The following PARVA variants were observed in gnomAD, a reference collection of about 807,000 sequenced individuals.
PARVA encodes the protein alpha-parvin.
Under a neutral mutation model 52.6 loss-of-function variants are expected in PARVA, and 25 were observed. The ratio of observed to expected loss-of-function variants is 0.48; its 90% CI spans 0.35 to 0.66. PARVA has a LOEUF of 0.66. PARVA is among the 30% of genes least tolerant of loss of function. The pLI, the probability that PARVA is intolerant of heterozygous loss-of-function variation, is 0.01. For missense variants in PARVA, 373 were observed against 450.9 expected, an observed-to-expected ratio of 0.83 and a Z score of 1.56; for synonymous variants, 185 against 179.1, an observed-to-expected ratio of 1.03 and a Z score of -0.26.
intron 1 of PARVA, among the ~76,000 whole-genome samples, chr11:12,389,399 T>C (rs966998601): frequency 6.6e-6 from 1 of 152,168 alleles, no homozygotes; most frequent in African/African-American, 2.4e-5. Context: ...TCGCCACTCC[T>C]GTGTGAGACC....
At chr11:12,410,748 C>T (rs989286248) in intron 1 of PARVA, among the ~76,000 whole-genome samples, 2 of 152,162 alleles carry the variant, frequency 1.3e-5, no homozygotes, top group African/African-American at 4.8e-5. Context: ...CCTTCTTCTC[C>T]CCACCCCATC....
chr11:12,434,532 G>A (rs886281031), intron 1 of PARVA, among the ~76,000 whole-genome samples: 1 of 152,094 alleles, frequency 6.6e-6, no homozygotes, highest in Non-Finnish European at 1.5e-5. Context: ...CCAACCATGT[G>A]ACTTTGCTCC....
chr11:12,529,897 C>G lies in PARVA; in HGVS notation c.*1972C>G, dbSNP rs756221596. On this transcript the variant is annotated 3_prime_UTR_variant, in exon 13 of 13. Coordinates refer to ENST00000334956, the MANE Select transcript of PARVA (RefSeq NM_018222.5). ...AAATTTTATTTTTTATTAGGAAACA[C>G]TAAATAGTGTAATATTTCTTTTGCT... 1 of 152,096 alleles carries G rather than the reference C, an allele frequency of 6.6e-6. No individual in the cohort carries two copies. Among genetic ancestry groups the G allele is most frequent in the Non-Finnish European group, 1.5e-5 (1 of 68,026 alleles). 9.4% of individuals were successfully genotyped at this position (152,096 alleles called of 1,614,324 possible).
intron 1 of PARVA, among the ~76,000 whole-genome samples, chr11:12,467,103 A>C (rs1940863463): frequency 6.6e-6 from 1 of 152,164 alleles, no homozygotes; most frequent in Non-Finnish European, 1.5e-5. Context: ...TTAGATTTAT[A>C]CCCAAGTATT....
At chr11:12,381,646 T>C (rs867657673) in intron 1 of PARVA, among the ~76,000 whole-genome samples, 1 of 152,172 alleles carries the variant, frequency 6.6e-6, no homozygotes, top group African/African-American at 2.4e-5. Context: ...TTACTGATAA[T>C]GGTCAATCAA....
At chr11:12,491,697 A>G (rs974684877) in intron 4 of PARVA, among the ~76,000 whole-genome samples, 1 of 152,238 alleles carries the variant, frequency 6.6e-6, no homozygotes, top group Non-Finnish European at 1.5e-5. Flanking sequence ...TGTATATCAA[A>G]TATTTAAAAA....
At chr11:12,412,171 A>G (rs953643987) in intron 1 of PARVA, among the ~76,000 whole-genome samples, 2 of 152,144 alleles carry the variant, frequency 1.3e-5, no homozygotes, top group African/African-American at 4.8e-5. Context: ...CTCTTCCTGT[A>G]CACTGGAAGC....
In PARVA at chr11:12,508,593, G is replaced by A. The variant is rs1043174766; in HGVS notation, c.667G>A (p.Gly223Arg). The change falls in exon 7 of 13, where the codon GGA becomes AGA. Residue 223 changes from glycine to arginine, a missense_variant. Physicochemically the swap from Gly to Arg is moderately radical, Grantham distance 125 (BLOSUM62 -2). Coordinates refer to ENST00000334956, the MANE Select transcript of PARVA (RefSeq NM_018222.5). ...IQVVVVQKRE[G>R]ILQSRQIQEE... ...CCCACCCCCATTTCAGAAACGAGAA[G>A]GAATCCTCCAGTCTCGGCAAATCCA... 3 of 1,608,258 alleles carry A rather than the reference G, an allele frequency of 1.9e-6. No individual in the cohort carries two copies. Among genetic ancestry groups the A allele is most frequent in the East Asian group, 4.5e-5 (2 of 44,362 alleles).
At chr11:12,477,217 C>T (rs1255336539) in intron 3 of PARVA, 1 of 152,190 alleles carries the variant, frequency 6.6e-6, no homozygotes. Context: ...ACCTCAGCCA[C>T]CCAAGTAGCT....
At chr11:12,418,118 C>T (rs905852699) in intron 1 of PARVA, among the ~76,000 whole-genome samples, 3 of 151,986 alleles carry the variant, frequency 2.0e-5, no homozygotes, top group Admixed American at 1.3e-4. Context: ...AATCAGGAAC[C>T]GAATTCCTGC....
intron 12 of PARVA, among the ~76,000 whole-genome samples, chr11:12,522,503 T>C (rs1046158204): frequency 1.4e-5 from 2 of 147,970 alleles, no homozygotes; most frequent in African/African-American, 5.0e-5. Context: ...ACTGGAACCT[T>C]CCCCTCCCAG....
intron 1 of PARVA, among the ~76,000 whole-genome samples, chr11:12,433,812 G>T (rs943472901): frequency 2.0e-5 from 3 of 152,142 alleles, no homozygotes; most frequent in Non-Finnish European, 4.4e-5. Context: ...TCAGCCAGAT[G>T]GTCTTTAACA....
Position 12,528,069 on chromosome 11 carries a change from C to T in PARVA, c.*144C>T, listed in dbSNP as rs190819468. The T allele has an allele frequency of 4.5e-5, 31 of 693,488 alleles. No individual in the cohort carries two copies. Among genetic ancestry groups the T allele is most frequent in the Admixed American group, 1.1e-4 (5 of 47,542 alleles). The allele number at this position is 693,488 out of a possible 1,614,324, so 43.0% of individuals were successfully genotyped here. On this transcript the variant is annotated 3_prime_UTR_variant, in exon 13 of 13. Coordinates refer to ENST00000334956, the MANE Select transcript of PARVA (RefSeq NM_018222.5). ...AGCTGCAACCCAGAGATAGTGGAAA[C>T]TGAAATTAGGAAGGAAATCATCAAT...
chr11:12,397,377 T>C (rs77524926), intron 1 of PARVA, among the ~76,000 whole-genome samples: 13,491 of 152,250 alleles, frequency 0.089, 730 homozygotes, highest in African/African-American at 0.14. Flanking sequence ...TTTATTTTAG[T>C]GTTTTGCTAC....
chr11:12,432,792 G>C (rs910909516), intron 1 of PARVA, among the ~76,000 whole-genome samples: 5 of 152,148 alleles, frequency 3.3e-5, no homozygotes, highest in Non-Finnish European at 7.3e-5. Context: ...GTGCTGCATT[G>C]TTGAAGCCAG....
At chr11:12,473,338 C>G (rs1940958702) in intron 1 of PARVA, among the ~76,000 whole-genome samples, 1 of 152,154 alleles carries the variant, frequency 6.6e-6, no homozygotes, top group African/African-American at 2.4e-5. Flanking sequence ...TAGCCTCAAA[C>G]CCATGACCCC....
chr11:12,520,786 C>CA (rs1564870080), intron 12 of PARVA, among the ~76,000 whole-genome samples: 4 of 151,802 alleles, frequency 2.6e-5, no homozygotes, highest in African/African-American at 7.3e-5. Flanking sequence ...CCCACCTGTA[C>CA]AAAAAATACA....
At chr11:12,418,159 C>CA (rs11455200) in intron 1 of PARVA, among the ~76,000 whole-genome samples, 88,740 of 152,088 alleles carry the variant, frequency 0.58, 26,375 homozygotes, top group African/African-American at 0.7. Flanking sequence ...AGGAAATCAG[C>CA]ATGGGCCAAG....
intron 1 of PARVA, among the ~76,000 whole-genome samples, chr11:12,430,687 T>C (rs1164933748): frequency 6.6e-6 from 1 of 152,154 alleles, no homozygotes; most frequent in African/African-American, 2.4e-5. Flanking sequence ...TTTTCCCTTA[T>C]ATCTTAAAAA....
Sources: allele counts gnomAD v4.1 joint callset (sites outside exome capture counted in the v4.1 genomes callset), GRCh38; gene constraint gnomAD v4.1.1; transcripts MANE v1.5; gene names NCBI Gene and HGNC (gene_info 2026-07-23, HGNC 2026-07-21).